The following NPAS3 variants were observed in gnomAD, a reference collection of about 807,000 sequenced individuals.
NPAS3 encodes the protein neuronal PAS domain-containing protein 3.
Under a neutral mutation model 73.1 loss-of-function variants are expected in NPAS3, and 14 were observed. That is an observed-to-expected ratio of 0.19 (90% CI 0.13 to 0.30). NPAS3 has a LOEUF of 0.30. Among genes scored for constraint, NPAS3 ranks in the 10% least tolerant of loss-of-function variants. The pLI is 1.00. For synonymous variants in NPAS3, 620 were observed against 541.5 expected, an observed-to-expected ratio of 1.14 and a Z score of -2.01; for missense variants, 1,096 against 1,250.0, an observed-to-expected ratio of 0.88 and a Z score of 1.86.
chr14:33,075,472 T>C (rs1460679308), intron 2 of NPAS3, among the ~76,000 whole-genome samples: 1 of 152,220 alleles, frequency 6.6e-6, no homozygotes, highest in African/African-American at 2.4e-5. Flanking sequence ...CTACATATGC[T>C]GCGTTTTCTC....
chr14:33,578,856 G>A (rs1383939040), intron 5 of NPAS3, among the ~76,000 whole-genome samples: 3 of 152,080 alleles, frequency 2.0e-5, no homozygotes, highest in Admixed American at 2.0e-4. Context: ...CAAAAACAGG[G>A]TTATCTTTTC....
At chr14:33,258,481 G>A (rs185173912) in intron 3 of NPAS3, among the ~76,000 whole-genome samples, 9 of 152,338 alleles carry the variant, frequency 5.9e-5, no homozygotes, top group Admixed American at 4.6e-4. Flanking sequence ...TAAAGTAGAC[G>A]TAGTGTTATG....
intron 2 of NPAS3, among the ~76,000 whole-genome samples, chr14:33,093,886 G>A (rs935504289): frequency 6.6e-6 from 1 of 150,484 alleles, no homozygotes; most frequent in African/African-American, 2.5e-5. Flanking sequence ...ACCAAATACC[G>A]TATGTTCTCA....
chr14:33,004,815 T>G (rs1052049326), intron 1 of NPAS3, among the ~76,000 whole-genome samples: 1 of 113,818 alleles, frequency 8.8e-6, no homozygotes. Flanking sequence ...TAAAAAGTTT[T>G]CCTTTTTTTT....
chr14:33,283,783 G>A (rs1402494575), intron 3 of NPAS3, among the ~76,000 whole-genome samples: 2 of 152,178 alleles, frequency 1.3e-5, no homozygotes, highest in Admixed American at 1.3e-4. Flanking sequence ...CCGTAAGAAA[G>A]TTGTTGTGGG....
At chr14:33,218,037 G>A (rs1437149968) in intron 3 of NPAS3, among the ~76,000 whole-genome samples, 3 of 151,966 alleles carry the variant, frequency 2.0e-5, no homozygotes, top group Admixed American at 1.3e-4. Flanking sequence ...TAACTTCTTA[G>A]TATGATTAAG....
intron 3 of NPAS3, among the ~76,000 whole-genome samples, chr14:33,255,714 G>T (rs561084944): frequency 6.6e-6 from 1 of 152,150 alleles, no homozygotes; most frequent in South Asian, 2.1e-4. Flanking sequence ...CCTTAGTCTT[G>T]GAAAACCAAT....
At chr14:33,594,911 T>C (rs1281233620) in intron 5 of NPAS3, among the ~76,000 whole-genome samples, 4 of 152,054 alleles carry the variant, frequency 2.6e-5, no homozygotes, top group Admixed American at 2.0e-4. Flanking sequence ...GGCAGTATTA[T>C]AAGGGGAAAA....
intron 1 of NPAS3, among the ~76,000 whole-genome samples, chr14:33,044,637 TAA>T (rs974410403): frequency 6.6e-6 from 1 of 151,062 alleles, no homozygotes; most frequent in African/African-American, 2.4e-5. Context: ...TTCAGAATTC[TAA>T]GAGTGAGTTA....
chr14:33,118,458 T>C (rs571910056), intron 2 of NPAS3, among the ~76,000 whole-genome samples: 1 of 152,254 alleles, frequency 6.6e-6, no homozygotes, highest in East Asian at 1.9e-4. Flanking sequence ...ATCTTTGTGG[T>C]TGTATTCTTT....
chr14:33,419,584 C>T (rs1594874486), intron 4 of NPAS3, among the ~76,000 whole-genome samples: 1 of 151,904 alleles, frequency 6.6e-6, no homozygotes, highest in South Asian at 2.1e-4. Context: ...TTTGGTGAAA[C>T]ATCCTTGTTT....
chr14:33,480,846 T>C (rs1048550513), intron 4 of NPAS3, among the ~76,000 whole-genome samples: 19 of 152,008 alleles, frequency 1.2e-4, no homozygotes, highest in Admixed American at 3.3e-4. Flanking sequence ...ACAGTGATGC[T>C]TATACTGAGT....
At chr14:33,652,837 A>G (rs1021821558) in intron 5 of NPAS3, among the ~76,000 whole-genome samples, 3 of 152,190 alleles carry the variant, frequency 2.0e-5, no homozygotes, top group Non-Finnish European at 4.4e-5. Flanking sequence ...TTTAGATGCA[A>G]TAAGCTGTCC....
chr14:33,340,502 C>T (rs1027557796), intron 3 of NPAS3, among the ~76,000 whole-genome samples: 1 of 152,156 alleles, frequency 6.6e-6, no homozygotes, highest in Non-Finnish European at 1.5e-5. Context: ...CTCAAAAAGA[C>T]AAAATTTCCT....
chr14:33,540,011 T>C (rs776741183), intron 4 of NPAS3, among the ~76,000 whole-genome samples: 14 of 152,194 alleles, frequency 9.2e-5, no homozygotes. Flanking sequence ...CCTCTCTTTA[T>C]GGTTGCTTTC....
intron 3 of NPAS3, among the ~76,000 whole-genome samples, chr14:33,290,087 A>G (rs1344602079): frequency 6.6e-6 from 1 of 152,162 alleles, no homozygotes; most frequent in African/African-American, 2.4e-5. Context: ...TGATAGACTC[A>G]ATACATGTTT....
At chr14:33,686,348 C>T (rs759239552) in intron 6 of NPAS3, among the ~76,000 whole-genome samples, 28 of 152,228 alleles carry the variant, frequency 1.8e-4, no homozygotes, top group Non-Finnish European at 2.6e-4. Flanking sequence ...ATCTAAGATC[C>T]GTGTGCTAAG....
At chr14:33,197,776 T>C (rs1349814210) in intron 2 of NPAS3, among the ~76,000 whole-genome samples, 1 of 152,230 alleles carries the variant, frequency 6.6e-6, no homozygotes, top group Non-Finnish European at 1.5e-5. Context: ...TCCTGCCATC[T>C]TGAATCCTTT....
intron 5 of NPAS3, among the ~76,000 whole-genome samples, chr14:33,562,412 C>A (rs981403505): frequency 2.0e-5 from 3 of 152,160 alleles, no homozygotes; most frequent in African/African-American, 7.2e-5. Flanking sequence ...CCATTGCCTT[C>A]TTCTCCTGTG....
Sources: allele counts gnomAD v4.1 joint callset (sites outside exome capture counted in the v4.1 genomes callset), GRCh38; gene constraint gnomAD v4.1.1; transcripts MANE v1.5; gene names NCBI Gene and HGNC (gene_info 2026-07-23, HGNC 2026-07-21).